The following PRDM16 variants were observed in gnomAD, a reference collection of about 807,000 sequenced individuals.
PRDM16 encodes PR/SET domain 16.
Under a neutral mutation model 110.6 loss-of-function variants are expected in PRDM16, and 23 were observed. The ratio of observed to expected loss-of-function variants is 0.21; its 90% CI spans 0.15 to 0.29. The LOEUF (loss-of-function observed/expected upper bound fraction) is 0.29, where lower values mean the gene tolerates loss of function less well. Ranked by LOEUF, PRDM16 falls within the 10% of genes least tolerant of loss-of-function variation. The probability of loss-of-function intolerance (pLI) is 1.00; values close to 1 mark genes in which losing one functional copy is unlikely to be tolerated. For synonymous variants in PRDM16, 799 were observed against 781.8 expected (o/e 1.02, Z -0.37); for missense variants, 1,615 against 1,794.3 (o/e 0.90, Z 1.81).
chr1:3,248,451 A>G (rs1044199352), intron 3 of PRDM16, among the ~76,000 whole-genome samples: 4 of 152,176 alleles, frequency 2.6e-5, no homozygotes, highest in African/African-American at 9.7e-5. Flanking sequence ...CCTCCTCCCA[A>G]AAATAAATAC....
intron 1 of PRDM16, among the ~76,000 whole-genome samples, chr1:3,109,978 G>A (rs1642747403): frequency 6.6e-6 from 1 of 151,224 alleles, no homozygotes; most frequent in Non-Finnish European, 1.5e-5. Flanking sequence ...GGGACACAGT[G>A]TCTGTGCCTC....
At chr1:3,291,628 A>G (rs536416562) in intron 3 of PRDM16, among the ~76,000 whole-genome samples, 1 of 152,202 alleles carries the variant, frequency 6.6e-6, no homozygotes, top group Non-Finnish European at 1.5e-5. Flanking sequence ...CTATTAAGTA[A>G]TCACATCAAT....
At chr1:3,264,057 G>A (rs1640229792) in intron 3 of PRDM16, among the ~76,000 whole-genome samples, 1 of 152,218 alleles carries the variant, frequency 6.6e-6, no homozygotes, top group Admixed American at 6.5e-5. Context: ...AGCTTAGGGA[G>A]CATAGGTTTC....
intron 3 of PRDM16, among the ~76,000 whole-genome samples, chr1:3,250,199 C>A (rs1205050014): frequency 1.3e-5 from 2 of 150,888 alleles, no homozygotes; most frequent in African/African-American, 4.9e-5. Flanking sequence ...GCTCCTGAGG[C>A]TCCAGTCCGC....
intron 1 of PRDM16, among the ~76,000 whole-genome samples, chr1:3,112,237 C>G (rs766305969): frequency 6.6e-6 from 1 of 152,148 alleles, no homozygotes; most frequent in Non-Finnish European, 1.5e-5. Context: ...GGAGGAGCCT[C>G]GGCGTTTCAC....
intron 1 of PRDM16, among the ~76,000 whole-genome samples, chr1:3,183,792 G>C (rs1045122152): frequency 2.6e-5 from 4 of 152,230 alleles, no homozygotes; most frequent in African/African-American, 4.8e-5. Flanking sequence ...ATATGCACTT[G>C]ATGCGGACGC....
At chr1:3,338,759 GTGTC>G (rs1642211928) in intron 3 of PRDM16, among the ~76,000 whole-genome samples, 1 of 152,228 alleles carries the variant, frequency 6.6e-6, no homozygotes, top group African/African-American at 2.4e-5. Context: ...AGGACAGAAA[GTGTC>G]TGAGCACAGG....
chr1:3,402,740 C>A, intron 5 of PRDM16, 51 bp from the exon 6 acceptor site: 1 of 1,542,042 alleles, frequency 6.5e-7, no homozygotes, highest in South Asian at 1.2e-5. Flanking sequence ...CCTGATAGCC[C>A]TGGGCTGGGT....
At position 3,349,801 on chromosome 1, in the gene PRDM16, T is replaced by A. The variant is rs1023298248; in HGVS notation, c.439-35351T>A. Among the ~76,000 whole-genome samples, 2 of 152,250 alleles carry A rather than the reference T, an allele frequency of 1.3e-5. 1 individual carries two copies. The highest frequency in any genetic ancestry group is 1.3e-4 in the Admixed American group (2 of 15,292). On this transcript the variant is annotated intron_variant, in intron 3 of 16. Coordinates refer to ENST00000270722, the MANE Select transcript of PRDM16 (RefSeq NM_022114.4). Reference sequence around the variant, plus strand: ...GTGTTCACAGAGGCCTGAGCTCTGCTGGCCACGGTGCTGGGCTTGGGGATT... The same window carrying A: ...GTGTTCACAGAGGCCTGAGCTCTGCAGGCCACGGTGCTGGGCTTGGGGATT...
intron 2 of PRDM16, among the ~76,000 whole-genome samples, chr1:3,200,413 G>T (rs146186735): frequency 3.9e-5 from 6 of 152,100 alleles, no homozygotes; most frequent in Non-Finnish European, 8.8e-5. Context: ...TGCTATCTCC[G>T]CTCACTGCAA....
rs1642889614 is a variant in PRDM16, at chr1:3,370,662, C to T, written c.439-14490C>T. Among the ~76,000 whole-genome samples, 2 of 152,182 alleles carry T rather than the reference C, an allele frequency of 1.3e-5. No homozygotes were observed. Among genetic ancestry groups the T allele is most frequent in the Non-Finnish European group, 2.9e-5 (2 of 68,022 alleles). The stretch of plus-strand genomic sequence containing the variant: ...CCCTGATGTGAGGGACCAGGGCAGG[C>T]TTCCCAGGAGAGGTGTCCTGTGCTC... On this transcript the variant is annotated intron_variant, in intron 3 of 16. Transcript: ENST00000270722. This position sits in a 1 kb window ranked among gnomAD's most constrained non-coding sequence, Gnocchi z 4.8.
In PRDM16 at chr1:3,273,048, G is replaced by A. The variant is rs550583875; in HGVS notation, c.438+28911G>A. On this transcript the variant is annotated intron_variant, in intron 3 of 16. Coordinates refer to ENST00000270722, the MANE Select transcript of PRDM16 (RefSeq NM_022114.4). ...GGTCGAGAGGGCAGCCGGAGTCTGC[G>A]TGGGAGAGGATGTGCGTTCAGAACC... Among the ~76,000 whole-genome samples the A allele has an allele frequency of 1.4e-4, 21 of 152,344 alleles. No individual in the cohort carries two copies. The South Asian group carries it at 1.4e-3, about 11-fold the overall frequency.
chr1:3,304,605 C>G (rs1052869336), intron 3 of PRDM16, among the ~76,000 whole-genome samples: 1 of 152,198 alleles, frequency 6.6e-6, no homozygotes, highest in African/African-American at 2.4e-5. Context: ...ACACGAGGAG[C>G]ACGGCCTGGA....
Position 3,404,858 on chromosome 1 carries a change from A to G in PRDM16, c.1004A>G (p.Lys335Arg), listed in dbSNP as rs1292419618. 6.2e-7 allele frequency: 1 copy of G among 1,613,338 alleles called. No homozygotes were observed. Among genetic ancestry groups the G allele is most frequent in the Non-Finnish European group, 8.5e-7 (1 of 1,179,946 alleles). The change falls in exon 7 of 17, where the codon AAA (lysine) becomes AGA (arginine). Residue 335 changes from lysine (K) to arginine (R), a missense_variant. Lys to Arg is a conservative substitution (Grantham distance 26, BLOSUM62 2). Transcript: ENST00000270722. ...CACCAGATGTCCCACGACAGCGGCA[A>G]ACGCTTCGAATGTGAAAACTGCGTG... ...IRHQMSHDSG[K>R]RFECENCVKV...
chr1:3,340,829 G>A (rs1032543537), intron 3 of PRDM16, among the ~76,000 whole-genome samples: 1 of 152,236 alleles, frequency 6.6e-6, no homozygotes, highest in Non-Finnish European at 1.5e-5. Context: ...GTCATGGGGT[G>A]GCTGAAGGCA....
rs1408324268 is a variant in PRDM16, at chr1:3,358,259, C to A, written c.439-26893C>A. ...AGTCACCATGAGACTCCCGGTTCTG[C>A]CTCCTGGGGACCCAGCCTGCCTGCT... On this transcript the variant is annotated intron_variant, in intron 3 of 16. Transcript: ENST00000270722. This position sits in a 1 kb window ranked among gnomAD's most constrained non-coding sequence, Gnocchi z 4.0. Among the ~76,000 whole-genome samples, 1 of 152,218 alleles carries A rather than the reference C, an allele frequency of 6.6e-6. No individual in the cohort carries two copies. The highest frequency in any genetic ancestry group is 2.4e-5 in the African/African-American group (1 of 41,470).
intron 1 of PRDM16, among the ~76,000 whole-genome samples, chr1:3,176,353 TCTC>T (rs1221422623): frequency 1.5e-5 from 2 of 130,246 alleles, no homozygotes; most frequent in Admixed American, 7.8e-5. Flanking sequence ...CATCCCCTGT[TCTC>T]CTGGAGGCAT....
chr1:3,071,149 G>A (rs1641749718), intron 1 of PRDM16, among the ~76,000 whole-genome samples: 2 of 152,268 alleles, frequency 1.3e-5, no homozygotes, highest in African/African-American at 4.8e-5. Context: ...AAGCTGGAAC[G>A]AGAAAGGGGA....
At chr1:3,158,253 A>G (rs1363124872) in intron 1 of PRDM16, among the ~76,000 whole-genome samples, 1 of 152,246 alleles carries the variant, frequency 6.6e-6, no homozygotes, top group Non-Finnish European at 1.5e-5. Flanking sequence ...CTAGAGGCAC[A>G]CTGCGAAGGG....
Sources: gnomAD v4.1 joint callset for allele counts (sites outside exome capture counted in the v4.1 genomes callset) on GRCh38, gnomAD v4.1.1 for gene constraint, Gnocchi (gnomAD v3.1) non-coding constraint, MANE v1.5 for transcripts, NCBI Gene and HGNC (gene_info 2026-07-23, HGNC 2026-07-21) for gene names.